The following ITGB3BP variants were observed in gnomAD, a reference collection of about 807,000 sequenced individuals.
ITGB3BP encodes centromere protein R.
A neutral mutation model predicts 29.1 loss-of-function variants in ITGB3BP; 27 were observed. The observed-to-expected ratio is 0.93, with a 90% confidence interval of 0.68 to 1.28. The LOEUF is 1.28. ITGB3BP is among the 50% of genes most tolerant of loss of function. The pLI, the probability that ITGB3BP is intolerant of heterozygous loss-of-function variation, is 0.00. For missense variants in ITGB3BP, 192 were observed against 200.2 expected (o/e 0.96, Z 0.25); for synonymous variants, 61 against 61.4 (o/e 0.99, Z 0.03).
rs930931527 is a variant in ITGB3BP at position 63,441,060 on chromosome 1, A to T, written c.*45T>A. The T allele has an allele frequency of 1.3e-5, 2 of 152,630 alleles. No individual in the cohort carries two copies. Among genetic ancestry groups the T allele is most frequent in the African/African-American group, 4.8e-5 (2 of 41,466 alleles). 9.5% of individuals were successfully genotyped at this position (152,630 alleles called of 1,614,324 possible). A position where few individuals can be genotyped will look rare whatever the true frequency, so the allele number is the denominator to read the frequency against. On this transcript the variant is annotated 3_prime_UTR_variant, in exon 9 of 9. Transcript: ENST00000271002. ...TGTTCCTTTAAATATGATCAGGCAG[A>T]TGCAGAAGTTGGTGCTCATGGTGAG...
At chr1:63,458,342 T>C (rs886255256) in intron 4 of ITGB3BP, 1 of 152,110 alleles carries the variant, frequency 6.6e-6, no homozygotes, top group Admixed American at 6.6e-5. Context: ...TTTTTCTCTA[T>C]TAAGTTCCTC....
At chr1:63,524,826 G>T (rs755209430), upstream of ITGB3BP, among the ~76,000 whole-genome samples, 2 of 152,078 alleles carry the variant, frequency 1.3e-5, no homozygotes, top group African/African-American at 4.8e-5. Context: ...ATACCTGACC[G>T]CTGTAATAGG....
Position 63,523,225 on chromosome 1 carries a change from T to C in ITGB3BP, c.-92A>G, listed in dbSNP as rs575007797. On this transcript the variant is annotated 5_prime_UTR_variant, in exon 1 of 9. The change abolishes an upstream ATG in the 5' untranslated region. Transcript: ENST00000271002. The stretch of plus-strand genomic sequence containing the variant: ...ATCCGCCAAAGGAAACGCCAAGGCA[T>C]GAAAAGCGCGCGCTGGACGTTGCGT... The C allele has an allele frequency of 9.6e-6, 15 of 1,569,318 alleles. No individual in the cohort carries two copies. In the African/African-American group the frequency reaches 1.4e-4, roughly 14 times the overall value.
chr1:63,446,143 C>G (rs1644788128), intron 8 of ITGB3BP, among the ~76,000 whole-genome samples: 1 of 152,162 alleles, frequency 6.6e-6, no homozygotes, highest in African/African-American at 2.4e-5. Flanking sequence ...GAGTGGTCCA[C>G]CTGCCTCAGC....
intron 2 of ITGB3BP, among the ~76,000 whole-genome samples, chr1:63,506,605 C>G (rs1241391162): frequency 6.6e-6 from 1 of 152,138 alleles, no homozygotes; most frequent in Non-Finnish European, 1.5e-5. Context: ...GCATTTGAAC[C>G]TTGCCCAAAC....
chr1:63,501,748 G>A (rs1645935921), intron 2 of ITGB3BP, among the ~76,000 whole-genome samples: 1 of 151,926 alleles, frequency 6.6e-6, no homozygotes, highest in African/African-American at 2.4e-5. Context: ...TGTAGTCCCA[G>A]CTACCCTGGA....
intron 1 of ITGB3BP, among the ~76,000 whole-genome samples, chr1:63,522,156 C>T (rs935633168): frequency 2.5e-4 from 38 of 152,126 alleles, no homozygotes; most frequent in Non-Finnish European, 2.1e-4. Flanking sequence ...GCCCCCATCC[C>T]CTAAAGTATT....
rs551792180 is a variant in ITGB3BP at position 63,470,289 on chromosome 1, G to A, written c.254+8475C>T. Among the ~76,000 whole-genome samples, 3 of 152,282 alleles carry A rather than the reference G, an allele frequency of 2.0e-5. No individual in the cohort carries two copies. The South Asian group carries it at 6.2e-4, about 32-fold the overall frequency. On this transcript the variant is annotated intron_variant, in intron 4 of 8. Coordinates refer to ENST00000271002, the MANE Select transcript of ITGB3BP (RefSeq NM_014288.5). ...CCACTGGGTTAGGGTCTCCCCGACC[G>A]AGCTGGTCTCGGCACAAGACTTCAT...
In ITGB3BP at chr1:63,490,125, T is replaced by C; in HGVS notation, c.142A>G (p.Thr48Ala). 6.2e-7 allele frequency: 1 copy of C among 1,611,514 alleles called. No individual in the cohort carries two copies. Among genetic ancestry groups the C allele is most frequent in the Non-Finnish European group, 8.5e-7 (1 of 1,178,208 alleles). Residue 48 changes from threonine to alanine, a missense_variant, in exon 3 of 9, where the codon ACA becomes GCA. Thr to Ala is a moderately conservative substitution (Grantham distance 58, BLOSUM62 0). Transcript: ENST00000271002. ...TCQMSLFASP[T>A]SSEEQKHRNG... ...CTGTGCTTTTGCTCTTCAGAACTTG[T>C]GGGAGAAGCAAATAGACTCATTTGA...
chr1:63,449,941 G>T (rs2100485056), intron 7 of ITGB3BP: 1 of 152,428 alleles, frequency 6.6e-6, no homozygotes, highest in East Asian at 1.9e-4. Context: ...GTTGGGGAAA[G>T]AACAACATAT....
chr1:63,444,500 CATATAGGATATATAT>C (rs1644765927), intron 8 of ITGB3BP, among the ~76,000 whole-genome samples: 4 of 54,826 alleles, frequency 7.3e-5, no homozygotes, highest in African/African-American at 3.6e-4. Flanking sequence ...ATATATATTA[CATATAGGATATATAT>C]GTATATATGT....
intron 2 of ITGB3BP, among the ~76,000 whole-genome samples, chr1:63,492,770 T>TA (rs370529932): frequency 1.3e-3 from 192 of 149,376 alleles, no homozygotes; most frequent in African/African-American, 3.9e-3. Context: ...TGTAACAAAA[T>TA]AAAAAAAAAC....
chr1:63,502,214 A>T (rs150760417), intron 2 of ITGB3BP, among the ~76,000 whole-genome samples: 1 of 152,308 alleles, frequency 6.6e-6, no homozygotes, highest in East Asian at 1.9e-4. Context: ...CAACAACTCA[A>T]GCAGGCCAAA....
intron 2 of ITGB3BP, among the ~76,000 whole-genome samples, chr1:63,495,328 T>C (rs903617765): frequency 6.6e-6 from 1 of 152,114 alleles, no homozygotes; most frequent in Non-Finnish European, 1.5e-5. Context: ...AATATAAAAA[T>C]ATGAACCAAA....
At chr1:63,520,963 A>G (rs533278696) in intron 1 of ITGB3BP, among the ~76,000 whole-genome samples, 1 of 152,320 alleles carries the variant, frequency 6.6e-6, no homozygotes, top group Non-Finnish European at 1.5e-5. Flanking sequence ...AGATTCATCC[A>G]TCCGCTCTAT....
rs755687159 is a variant in ITGB3BP at position 63,490,073 on chromosome 1, T to G, written c.184+10A>C. 6.2e-7 allele frequency: 1 copy of G among 1,605,812 alleles called. No individual in the cohort carries two copies. The highest frequency in any genetic ancestry group is 8.5e-7 in the Non-Finnish European group (1 of 1,176,420). ...ACCTTACAATAAGTAGAAAAGAATG[T>G]TCAACTAACCATTTGATAGTCCATT... On this transcript the variant is annotated intron_variant, in intron 3 of 8. Transcript: ENST00000271002.
chr1:63,504,310 T>G lies in ITGB3BP; in HGVS notation c.48+4218A>C, dbSNP rs982283578. ...GGAGTTCACTCATGATTTGGCTCTG[T>G]TTGTCTGTTATTGGTGTATAAGAAT... On this transcript the variant is annotated intron_variant, in intron 2 of 8. Transcript: ENST00000271002. Among the ~76,000 whole-genome samples the G allele has an allele frequency of 7.2e-5, 11 of 151,944 alleles. 1 individual carries two copies. Among genetic ancestry groups the G allele is most frequent in the Admixed American group, 5.9e-4 (9 of 15,262 alleles).
chr1:63,496,008 T>C (rs1380068996), intron 2 of ITGB3BP, among the ~76,000 whole-genome samples: 1 of 151,950 alleles, frequency 6.6e-6, no homozygotes, highest in Non-Finnish European at 1.5e-5. Flanking sequence ...GCAACGGGTA[T>C]GATTATGGGC....
At chr1:63,496,441 A>C (rs2100709840) in intron 2 of ITGB3BP, among the ~76,000 whole-genome samples, 1 of 152,194 alleles carries the variant, frequency 6.6e-6, no homozygotes, top group African/African-American at 2.4e-5. Flanking sequence ...TACTTTCTCC[A>C]GCAGGCCAAC....
Sources: gnomAD v4.1 joint callset for allele counts (sites outside exome capture counted in the v4.1 genomes callset) on GRCh38, gnomAD v4.1.1 for gene constraint, MANE v1.5 for transcripts, NCBI Gene and HGNC (gene_info 2026-07-23, HGNC 2026-07-21) for gene names.